Variants in ITGA9 observed in about 807,000 individuals in gnomAD.
ITGA9 encodes the protein integrin subunit alpha 9.
Under a neutral mutation model 127.8 loss-of-function variants are expected in ITGA9, and 56 were observed. The ratio of observed to expected loss-of-function variants is 0.44; its 90% CI spans 0.35 to 0.55. The LOEUF (loss-of-function observed/expected upper bound fraction) is 0.55, where lower values mean the gene tolerates loss of function less well. Ranked by LOEUF, ITGA9 falls within the 20% of genes least tolerant of loss-of-function variation. ITGA9 has a pLI of 0.00. For synonymous variants in ITGA9, 508 were observed against 514.5 expected (o/e 0.99, Z 0.17); for missense variants, 1,196 against 1,347.1 (o/e 0.89, Z 1.76).
At chr3:37,518,771 CTTTTTTTTTT>C (rs543297344) in intron 10 of ITGA9, among the ~76,000 whole-genome samples, 41 of 43,510 alleles carry the variant, frequency 9.4e-4, no homozygotes, top group African/African-American at 2.6e-3. Context: ...TTTCACTGTA[CTTTTTTTTTT>C]TTTTTTTTTT....
At chr3:37,782,107 C>A (rs963192262) in intron 25 of ITGA9, among the ~76,000 whole-genome samples, 1 of 152,240 alleles carries the variant, frequency 6.6e-6, no homozygotes, top group African/African-American at 2.4e-5. Context: ...TGGAGAAGTA[C>A]CTTCCTGAAA....
At position 37,517,573 on chromosome 3, in the gene ITGA9, G is replaced by A. The variant is rs753341123; in HGVS notation, c.1105G>A (p.Ala369Thr). Reference sequence around the variant, plus strand: ...CAATGCGCACTTTGGAGAGAGCATTGCCAGCCTGGACGATCTGGACAATGA... The same window carrying A: ...CAATGCGCACTTTGGAGAGAGCATTACCAGCCTGGACGATCTGGACAATGA... ...AYNAHFGESI[A>T]SLDDLDNDGF... Residue 369 changes from alanine to threonine, a missense_variant, in exon 10 of 28, where the codon GCC (alanine) becomes ACC (threonine). Physicochemically the swap from Ala to Thr is moderately conservative, Grantham distance 58. Coordinates refer to ENST00000264741, the MANE Select transcript of ITGA9 (RefSeq NM_002207.3). The A allele has an allele frequency of 1.3e-6, 2 of 1,595,220 alleles. No individual in the cohort carries two copies. The highest frequency in any genetic ancestry group is 4.5e-5 in the East Asian group (2 of 44,196).
chr3:37,772,905 A>G (rs530851270), intron 23 of ITGA9, among the ~76,000 whole-genome samples: 2 of 152,270 alleles, frequency 1.3e-5, no homozygotes, highest in Admixed American at 6.5e-5. Context: ...ACATCACGCC[A>G]TCGCCATTAC....
intron 27 of ITGA9, among the ~76,000 whole-genome samples, chr3:37,804,935 G>A (rs1404085280): frequency 6.6e-6 from 1 of 152,048 alleles, no homozygotes. Context: ...CTTTTTCTCT[G>A]CATATATAGA....
At chr3:37,530,812 C>T (rs139776892) in intron 13 of ITGA9, among the ~76,000 whole-genome samples, 4,990 of 140,254 alleles carry the variant, frequency 0.036, 290 homozygotes, top group African/African-American at 0.13. Flanking sequence ...AGTGCAGTGG[C>T]GCGATCTTGG....
intron 15 of ITGA9, among the ~76,000 whole-genome samples, chr3:37,621,258 G>A (rs141832488): frequency 1.2e-4 from 18 of 152,328 alleles, no homozygotes; most frequent in Middle Eastern, 3.4e-3. Flanking sequence ...GGAACTGTGA[G>A]TCCATTAAAC....
chr3:37,714,755 TG>T (rs1417868617), intron 18 of ITGA9, among the ~76,000 whole-genome samples: 1 of 152,172 alleles, frequency 6.6e-6, no homozygotes, highest in Admixed American at 6.5e-5. Context: ...CCCAGCAGTC[TG>T]TGTTTTAGCA....
At chr3:37,815,193 A>G (rs1240285388) in intron 27 of ITGA9, among the ~76,000 whole-genome samples, 1 of 152,258 alleles carries the variant, frequency 6.6e-6, no homozygotes, top group African/African-American at 2.4e-5. Context: ...AGCCACATGT[A>G]AGAGTGAGTT....
In ITGA9 at chr3:37,509,065, C is replaced by T. The variant is rs190730667; in HGVS notation, c.897+438C>T. Among the ~76,000 whole-genome samples, 16 of 152,296 alleles carry T rather than the reference C, an allele frequency of 1.1e-4. No homozygotes were observed. The East Asian group carries it at 1.7e-3, about 17-fold the overall frequency. ...TTACCCCCTTCCCTAATCCTCAGCCCTCAACTGTCATTGCCAAGGTGACTG... is the reference window on the plus strand; with the variant it reads ...TTACCCCCTTCCCTAATCCTCAGCCTTCAACTGTCATTGCCAAGGTGACTG... On this transcript the variant is annotated intron_variant, in intron 8 of 27. Transcript: ENST00000264741.
At chr3:37,479,189 A>C (rs1698525531) in intron 3 of ITGA9, among the ~76,000 whole-genome samples, 1 of 152,230 alleles carries the variant, frequency 6.6e-6, no homozygotes, top group Admixed American at 6.5e-5. Flanking sequence ...GAACTTTAAA[A>C]ATCAATTATT....
intron 18 of ITGA9, among the ~76,000 whole-genome samples, chr3:37,712,246 C>T (rs1701087209): frequency 6.6e-6 from 1 of 152,102 alleles, no homozygotes; most frequent in Non-Finnish European, 1.5e-5. Context: ...TCCAGGTGAC[C>T]ACAGAGGGTC....
In ITGA9 at chr3:37,570,326, G is replaced by A. The variant is rs193161720; in HGVS notation, c.1689+27741G>A. Among the ~76,000 whole-genome samples the A allele has an allele frequency of 3.5e-3, 536 of 152,346 alleles. 2 individuals are homozygous for A. The highest frequency in any genetic ancestry group is 0.017 in the Middle Eastern group (5 of 294). ...TTCGTGAACTGCATCTCAGCTGGGTGGGACCCTTTGGGACAGGAGTAGGGG... is the reference window on the plus strand; with the variant it reads ...TTCGTGAACTGCATCTCAGCTGGGTAGGACCCTTTGGGACAGGAGTAGGGG... On this transcript the variant is annotated intron_variant, in intron 15 of 27. Transcript: ENST00000264741.
chr3:37,647,464 T>G (rs1700388650), intron 16 of ITGA9, among the ~76,000 whole-genome samples: 1 of 152,000 alleles, frequency 6.6e-6, no homozygotes, highest in South Asian at 2.1e-4. Context: ...TTTTTTTTTT[T>G]TTTTGATAGT....
intron 15 of ITGA9, among the ~76,000 whole-genome samples, chr3:37,593,645 A>T (rs1209382492): frequency 1.3e-5 from 2 of 152,214 alleles, no homozygotes; most frequent in Non-Finnish European, 2.9e-5. Context: ...TTATATCCTG[A>T]AAGGCCCATC....
intron 27 of ITGA9, chr3:37,807,628 T>A (rs1200304325): frequency 6.5e-6 from 1 of 152,782 alleles, no homozygotes; most frequent in African/African-American, 2.4e-5. Context: ...ATGCCTGTAA[T>A]CCCAGTGCTT....
intron 15 of ITGA9, among the ~76,000 whole-genome samples, chr3:37,564,832 AC>A (rs1292729430): frequency 2.6e-5 from 4 of 152,138 alleles, no homozygotes; most frequent in Admixed American, 6.5e-5. Flanking sequence ...AACCATCCCT[AC>A]CTGGAGAAAG....
chr3:37,822,688 G>C lies in ITGA9; in HGVS notation c.*3699G>C, dbSNP rs1364411038. ...CCAACAGCACTCCTGGGAACATCCT[G>C]TTTTCCATGCGGAAGCATAGCAGAT... On this transcript the variant is annotated 3_prime_UTR_variant, in exon 28 of 28. Transcript: ENST00000264741. The C allele has an allele frequency of 6.6e-6, 1 of 152,186 alleles. No individual in the cohort carries two copies. Among genetic ancestry groups the C allele is most frequent in the African/African-American group, 2.4e-5 (1 of 41,448 alleles). The allele number at this position is 152,186 out of a possible 1,614,324, so 9.4% of individuals were successfully genotyped here.
intron 11 of ITGA9, among the ~76,000 whole-genome samples, chr3:37,519,658 A>G (rs895644882): frequency 6.6e-6 from 1 of 152,204 alleles, no homozygotes; most frequent in Non-Finnish European, 1.5e-5. Context: ...CTTTTTGGTG[A>G]CTACTTTGTC....
chr3:37,707,671 G>A (rs1194429259), intron 18 of ITGA9, among the ~76,000 whole-genome samples: 2 of 152,174 alleles, frequency 1.3e-5, no homozygotes, highest in African/African-American at 4.8e-5. Context: ...AGATGAACTT[G>A]AGCACATGAT....
Sources: allele counts gnomAD v4.1 joint callset (sites outside exome capture counted in the v4.1 genomes callset), GRCh38; gene constraint gnomAD v4.1.1; transcripts MANE v1.5; gene names NCBI Gene and HGNC (gene_info 2026-07-23, HGNC 2026-07-21).